FRMD4A: variants seen among roughly 807,000 people sequenced by gnomAD.
FRMD4A encodes the protein FERM domain-containing protein 4A.
In FRMD4A, 29 loss-of-function variants were observed where a neutral mutation model predicts 129.1. The ratio of observed to expected loss-of-function variants is 0.22; its 90% CI spans 0.17 to 0.31. The LOEUF (loss-of-function observed/expected upper bound fraction) is 0.31, where lower values mean the gene tolerates loss of function less well. Ranked by LOEUF, FRMD4A falls within the 10% of genes least tolerant of loss-of-function variation. FRMD4A has a pLI of 1.00. For missense variants in FRMD4A, 1,272 were observed against 1,375.8 expected, an observed-to-expected ratio of 0.92 and a Z score of 1.19; for synonymous variants, 634 against 571.6, an observed-to-expected ratio of 1.11 and a Z score of -1.56.
chr10:14,040,903 A>G (rs1258705870), intron 2 of FRMD4A, among the ~76,000 whole-genome samples: 2 of 152,172 alleles, frequency 1.3e-5, no homozygotes, highest in Non-Finnish European at 2.9e-5. Flanking sequence ...AGGGTGTGAG[A>G]AGAAGGAAGG....
In FRMD4A at chr10:14,112,781, C is replaced by T. The variant is rs1471997520; in HGVS notation, c.45+217277G>A. Among the ~76,000 whole-genome samples, 3 of 152,202 alleles carry T rather than the reference C, an allele frequency of 2.0e-5. No homozygotes were observed. The East Asian group carries it at 5.8e-4, about 29-fold the overall frequency. ...CCTCAGGTGATCCGCCTTCCTCGGC[C>T]TCTCAAAGTGCTGGGATTACAGGCA... On this transcript the variant is annotated intron_variant, in intron 2 of 24. Transcript: ENST00000357447.
chr10:14,137,696 C>T (rs1323108375), intron 2 of FRMD4A, among the ~76,000 whole-genome samples: 3 of 152,146 alleles, frequency 2.0e-5, no homozygotes, highest in Admixed American at 6.5e-5. Flanking sequence ...GTTCATACCC[C>T]GCAACCATCT....
intron 2 of FRMD4A, among the ~76,000 whole-genome samples, chr10:14,078,240 C>A (rs1429159710): frequency 6.6e-6 from 1 of 152,146 alleles, no homozygotes; most frequent in Non-Finnish European, 1.5e-5. Flanking sequence ...TTCTCATGGC[C>A]ATTCTTTTGG....
chr10:14,145,474 T>C (rs1182586199), intron 2 of FRMD4A, among the ~76,000 whole-genome samples: 30 of 152,218 alleles, frequency 2.0e-4, no homozygotes, highest in Admixed American at 1.9e-3. Flanking sequence ...GTCCAGAAGA[T>C]AGACCCAGGC....
chr10:14,273,040 A>G (rs1589252000), intron 2 of FRMD4A, among the ~76,000 whole-genome samples: 1 of 151,428 alleles, frequency 6.6e-6, no homozygotes, highest in African/African-American at 2.4e-5. Context: ...ACATGGCCAA[A>G]CCCTGTCTTT....
intron 14 of FRMD4A, among the ~76,000 whole-genome samples, chr10:13,699,936 C>T (rs1481988143): frequency 6.6e-6 from 1 of 152,182 alleles, no homozygotes; most frequent in African/African-American, 2.4e-5. Flanking sequence ...TTCCTAACAA[C>T]AGAAATTCTC....
rs1842368913 is a variant in FRMD4A at position 14,193,192 on chromosome 10, A to G, written c.45+136866T>C. Among the ~76,000 whole-genome samples, 3 of 152,168 alleles carry G rather than the reference A, an allele frequency of 2.0e-5. No individual in the cohort carries two copies. In the South Asian group the frequency reaches 6.2e-4, roughly 32 times the overall value. On this transcript the variant is annotated intron_variant, in intron 2 of 24. Coordinates refer to ENST00000357447, the MANE Select transcript of FRMD4A (RefSeq NM_018027.5). ...TCTAAATACATTAGACTGTCTGTAA[A>G]CCAATGAACAGTACTTTACCTTGCT... is the stretch of plus-strand genomic sequence containing the variant.
chr10:14,117,107 A>T (rs147344919), intron 2 of FRMD4A, among the ~76,000 whole-genome samples: 1 of 152,230 alleles, frequency 6.6e-6, no homozygotes, highest in Non-Finnish European at 1.5e-5. Context: ...TACCTAAGGT[A>T]GCTGATTCCT....
At chr10:13,770,088 G>A (rs565970055) in intron 6 of FRMD4A, among the ~76,000 whole-genome samples, 1 of 152,182 alleles carries the variant, frequency 6.6e-6, no homozygotes, top group South Asian at 2.1e-4. Context: ...CATTAAAGTG[G>A]GACACAATGC....
At chr10:13,833,481 T>C (rs1467019858) in intron 3 of FRMD4A, among the ~76,000 whole-genome samples, 1 of 152,154 alleles carries the variant, frequency 6.6e-6, no homozygotes, top group Non-Finnish European at 1.5e-5. Context: ...AGCCAAACCA[T>C]ATCACCAACC....
intron 17 of FRMD4A, among the ~76,000 whole-genome samples, chr10:13,669,372 A>G (rs2083330868): frequency 6.6e-6 from 1 of 152,144 alleles, no homozygotes; most frequent in Non-Finnish European, 1.5e-5. Context: ...GCCCGGCCAC[A>G]TGAGCTTTAG....
intron 12 of FRMD4A, among the ~76,000 whole-genome samples, chr10:13,709,741 G>A (rs2087824567): frequency 6.6e-6 from 1 of 152,178 alleles, no homozygotes; most frequent in African/African-American, 2.4e-5. Context: ...TCGGCCTTCT[G>A]GGTGTGCGAC....
intron 2 of FRMD4A, among the ~76,000 whole-genome samples, chr10:14,247,276 C>T (rs1366746726): frequency 1.3e-5 from 2 of 152,174 alleles, no homozygotes. Flanking sequence ...TAGAGATAGA[C>T]ATTCAGTTAC....
intron 2 of FRMD4A, chr10:14,007,531 A>G (rs1308467582): frequency 1.3e-5 from 2 of 150,016 alleles, no homozygotes; most frequent in African/African-American, 5.1e-5. Flanking sequence ...CATTAAAAAC[A>G]AATAAACCCC....
intron 15 of FRMD4A, among the ~76,000 whole-genome samples, chr10:13,686,796 T>C (rs953770550): frequency 6.6e-6 from 1 of 152,194 alleles, no homozygotes; most frequent in Non-Finnish European, 1.5e-5. Context: ...GCCCTAGACT[T>C]CTAGTCGAGA....
chr10:13,929,683 G>A (rs183846871), intron 2 of FRMD4A, among the ~76,000 whole-genome samples: 178 of 152,294 alleles, frequency 1.2e-3, no homozygotes, highest in African/African-American at 4.0e-3. Flanking sequence ...AGTCATTCCC[G>A]AATATTAACT....
intron 2 of FRMD4A, among the ~76,000 whole-genome samples, chr10:14,221,719 C>T (rs1001874922): frequency 8.4e-4 from 14 of 16,750 alleles, no homozygotes; most frequent in South Asian, 5.2e-3. Context: ...AGTACCACGC[C>T]GGGTAATTTT....
At chr10:13,951,734 A>T (rs958932607) in intron 2 of FRMD4A, among the ~76,000 whole-genome samples, 1 of 151,874 alleles carries the variant, frequency 6.6e-6, no homozygotes, top group African/African-American at 2.4e-5. Flanking sequence ...TACTAAAAAT[A>T]CAAAAATTAG....
chr10:14,297,855 G>C (rs1846059294), intron 2 of FRMD4A, among the ~76,000 whole-genome samples: 1 of 152,170 alleles, frequency 6.6e-6, no homozygotes, highest in Non-Finnish European at 1.5e-5. Context: ...GCCATGAATG[G>C]CGATATGAAG....
Sources: allele counts gnomAD v4.1 joint callset (sites outside exome capture counted in the v4.1 genomes callset), GRCh38; gene constraint gnomAD v4.1.1; transcripts MANE v1.5; gene names NCBI Gene and HGNC (gene_info 2026-07-23, HGNC 2026-07-21).